CPQ: variants seen among roughly 807,000 people sequenced by gnomAD.
CPQ encodes the protein carboxypeptidase Q.
Under a neutral mutation model 45.7 loss-of-function variants are expected in CPQ, and 37 were observed. The observed-to-expected ratio is 0.81, with a 90% confidence interval of 0.62 to 1.07. The LOEUF (loss-of-function observed/expected upper bound fraction) is 1.07. CPQ is among the 50% of genes least tolerant of loss of function. The pLI is 0.00. For synonymous variants in CPQ, 186 were observed against 205.8 expected, an observed-to-expected ratio of 0.90 and a Z score of 0.82; for missense variants, 537 against 572.9, an observed-to-expected ratio of 0.94 and a Z score of 0.64.
chr8:97,121,958 A>G (rs533447904), intron 7 of CPQ, among the ~76,000 whole-genome samples: 1 of 152,284 alleles, frequency 6.6e-6, no homozygotes, highest in Admixed American at 6.5e-5. Context: ...TTCAAACTGA[A>G]GATAAAATGA....
At chr8:96,702,917 T>C (rs1809485458) in intron 1 of CPQ, among the ~76,000 whole-genome samples, 2 of 152,222 alleles carry the variant, frequency 1.3e-5, no homozygotes, top group African/African-American at 2.4e-5. Context: ...CTAGTGCTTC[T>C]ACATGCAGGA....
chr8:96,838,816 T>G (rs1243793555), intron 3 of CPQ, among the ~76,000 whole-genome samples: 1 of 152,148 alleles, frequency 6.6e-6, no homozygotes, highest in Non-Finnish European at 1.5e-5. Context: ...TTCCTGGTGC[T>G]CTTTGTCCGA....
intron 7 of CPQ, among the ~76,000 whole-genome samples, chr8:97,084,631 A>G (rs1045755207): frequency 5.9e-5 from 9 of 152,196 alleles, no homozygotes; most frequent in African/African-American, 1.9e-4. Flanking sequence ...AGTGCCATTC[A>G]TAGAATGGCA....
chr8:96,918,873 C>A (rs1318538557), intron 4 of CPQ, among the ~76,000 whole-genome samples: 1 of 152,062 alleles, frequency 6.6e-6, no homozygotes, highest in African/African-American at 2.4e-5. Flanking sequence ...GGTGTATATG[C>A]TTTTCATACT....
chr8:97,010,335 C>A lies in CPQ; in HGVS notation c.962-19068C>A, dbSNP rs141966431. On this transcript the variant is annotated intron_variant, in intron 5 of 7. Coordinates refer to ENST00000220763, the MANE Select transcript of CPQ (RefSeq NM_016134.4). Reference sequence around the variant, plus strand: ...GCATTGGAGTAAAAATATAAAAAATCTGGATTCATATCCAGCCTCTAGCAC... The same window carrying A: ...GCATTGGAGTAAAAATATAAAAAATATGGATTCATATCCAGCCTCTAGCAC... 3.0e-3 allele frequency among the ~76,000 whole-genome samples: 458 copies of A among 152,236 alleles called. 1 individual carries two copies. The highest frequency in any genetic ancestry group is 0.01 in the Middle Eastern group (3 of 294).
At chr8:96,999,269 C>A (rs1040446393) in intron 5 of CPQ, among the ~76,000 whole-genome samples, 1 of 150,094 alleles carries the variant, frequency 6.7e-6, no homozygotes, top group Non-Finnish European at 1.5e-5. Context: ...GTCAGTGGTA[C>A]AGGTGCAGGT....
intron 1 of CPQ, among the ~76,000 whole-genome samples, chr8:96,714,602 G>A (rs1050536438): frequency 6.6e-6 from 1 of 151,738 alleles, no homozygotes; most frequent in Non-Finnish European, 1.5e-5. Context: ...TCCTCAAGTA[G>A]CTTAATAATC....
At chr8:97,132,072 G>C (rs1328678265) in intron 7 of CPQ, among the ~76,000 whole-genome samples, 7 of 152,116 alleles carry the variant, frequency 4.6e-5, no homozygotes, top group Non-Finnish European at 8.8e-5. Flanking sequence ...CCTTTTTAAA[G>C]GTTGTAAAGA....
At chr8:96,902,117 A>G (rs1173322960) in intron 4 of CPQ, among the ~76,000 whole-genome samples, 2 of 152,160 alleles carry the variant, frequency 1.3e-5, no homozygotes, top group African/African-American at 4.8e-5. Context: ...GCAATGAGGG[A>G]TAGACTGGGA....
intron 1 of CPQ, among the ~76,000 whole-genome samples, chr8:96,667,019 T>G (rs533337474): frequency 6.6e-6 from 1 of 152,266 alleles, no homozygotes; most frequent in East Asian, 1.9e-4. Flanking sequence ...GCTGTTGCCT[T>G]TCTAGTCTCT....
intron 3 of CPQ, among the ~76,000 whole-genome samples, chr8:96,858,768 T>C (rs1811888826): frequency 1.3e-5 from 2 of 152,198 alleles, no homozygotes; most frequent in Non-Finnish European, 2.9e-5. Context: ...ATTTGAATAA[T>C]ATAGATAAAT....
At chr8:96,645,866 A>G (rs908223196) in intron 1 of CPQ, among the ~76,000 whole-genome samples, 2 of 150,190 alleles carry the variant, frequency 1.3e-5, no homozygotes, top group Admixed American at 6.6e-5. Flanking sequence ...TTCGCTTTTG[A>G]TGCGTCTAGT....
At chr8:96,742,387 T>C (rs1384637988) in intron 1 of CPQ, among the ~76,000 whole-genome samples, 1 of 152,216 alleles carries the variant, frequency 6.6e-6, no homozygotes, top group East Asian at 1.9e-4. Flanking sequence ...ATGAGATGGG[T>C]TTCCTGAATA....
intron 1 of CPQ, among the ~76,000 whole-genome samples, chr8:96,682,515 T>C (rs1563701335): frequency 6.6e-6 from 1 of 152,222 alleles, no homozygotes; most frequent in African/African-American, 2.4e-5. Flanking sequence ...GTCTTGGGTA[T>C]GTCTTTATCA....
rs564276870 is a variant in CPQ, at chr8:96,930,244, G to A, written c.850-35691G>A. Among the ~76,000 whole-genome samples the A allele has an allele frequency of 2.6e-5, 4 of 152,352 alleles. No homozygotes were observed. In the South Asian group the frequency reaches 8.3e-4, roughly 32 times the overall value. The stretch of plus-strand genomic sequence containing the variant: ...TTTCTTTTCGTCCAGCAGATGGCTA[G>A]CAACAAGAACTGCTTAGAAGACCTT... On this transcript the variant is annotated intron_variant, in intron 4 of 7. Transcript: ENST00000220763.
chr8:96,909,982 T>C (rs571087882), intron 4 of CPQ, among the ~76,000 whole-genome samples: 12 of 152,078 alleles, frequency 7.9e-5, no homozygotes, highest in Non-Finnish European at 1.2e-4. Flanking sequence ...AGCACGGGAT[T>C]TGGAGTCAGC....
chr8:96,776,925 A>G (rs1443153684), intron 1 of CPQ, among the ~76,000 whole-genome samples: 2 of 152,206 alleles, frequency 1.3e-5, no homozygotes, highest in African/African-American at 2.4e-5. Flanking sequence ...AACATTTGAT[A>G]ACTCCATACT....
chr8:96,715,488 G>T (rs1353931017), intron 1 of CPQ, among the ~76,000 whole-genome samples: 1 of 152,130 alleles, frequency 6.6e-6, no homozygotes, highest in African/African-American at 2.4e-5. Flanking sequence ...GAGTTACTCT[G>T]AACCATTTCA....
chr8:96,783,818 AAATTG>A (rs1810722118), intron 1 of CPQ, among the ~76,000 whole-genome samples: 1 of 152,184 alleles, frequency 6.6e-6, no homozygotes, highest in Non-Finnish European at 1.5e-5. Context: ...TAGTTAATTT[AAATTG>A]AAGTGACCAT....
Sources: allele counts gnomAD v4.1 joint callset (sites outside exome capture counted in the v4.1 genomes callset), GRCh38; gene constraint gnomAD v4.1.1; transcripts MANE v1.5; gene names NCBI Gene and HGNC (gene_info 2026-07-23, HGNC 2026-07-21).